The following SLC2A13 variants were observed in gnomAD, a reference collection of about 807,000 sequenced individuals.
SLC2A13 encodes the protein solute carrier family 2 member 13.
A neutral mutation model predicts 64.4 loss-of-function variants in SLC2A13; 32 were observed. That is an observed-to-expected ratio of 0.50 (90% CI 0.37 to 0.67). SLC2A13 has a LOEUF of 0.67. Ranked by LOEUF, SLC2A13 falls within the 30% of genes least tolerant of loss-of-function variation. SLC2A13 has a pLI of 0.00. For missense variants in SLC2A13, 743 were observed against 829.2 expected, an observed-to-expected ratio of 0.90 and a Z score of 1.28; for synonymous variants, 338 against 327.1, an observed-to-expected ratio of 1.03 and a Z score of -0.36.
chr12:40,067,333 A>G (rs1937771520), intron 1 of SLC2A13, among the ~76,000 whole-genome samples: 1 of 151,884 alleles, frequency 6.6e-6, no homozygotes. Context: ...TCCTGAGTAG[A>G]TAGGGCTACA....
intron 1 of SLC2A13, among the ~76,000 whole-genome samples, chr12:40,061,809 CAAA>C (rs200751726): frequency 8.6e-6 from 1 of 116,480 alleles, no homozygotes. Flanking sequence ...TTTGACAATC[CAAA>C]AAAAAAAAAA....
chr12:39,969,837 C>A (rs563367190), intron 3 of SLC2A13, among the ~76,000 whole-genome samples: 1,858 of 152,234 alleles, frequency 0.012, 21 homozygotes, highest in Non-Finnish European at 0.016. Flanking sequence ...GCTTTTGTTG[C>A]CATTGCTTTT....
At chr12:39,973,081 A>G (rs975290577) in intron 3 of SLC2A13, among the ~76,000 whole-genome samples, 2 of 152,048 alleles carry the variant, frequency 1.3e-5, no homozygotes, top group African/African-American at 2.4e-5. Context: ...CAATCAATCA[A>G]TCAATGTCTC....
chr12:39,807,431 A>C (rs1942013972), intron 7 of SLC2A13, among the ~76,000 whole-genome samples: 1 of 152,210 alleles, frequency 6.6e-6, no homozygotes, highest in Non-Finnish European at 1.5e-5. Context: ...GCAAGTTGTT[A>C]TTCAGGGGAA....
At chr12:39,777,090 C>T (rs1026643472) in intron 7 of SLC2A13, among the ~76,000 whole-genome samples, 4 of 152,168 alleles carry the variant, frequency 2.6e-5, no homozygotes, top group East Asian at 1.9e-4. Context: ...GAATCATATT[C>T]GGAATCTGCG....
intron 4 of SLC2A13, among the ~76,000 whole-genome samples, chr12:39,921,408 G>C (rs1465264464): frequency 2.0e-5 from 3 of 152,054 alleles, no homozygotes; most frequent in Non-Finnish European, 4.4e-5. Flanking sequence ...ACCCTGTTCA[G>C]GTACCTTCAG....
intron 4 of SLC2A13, among the ~76,000 whole-genome samples, chr12:39,878,747 G>A (rs181464183): frequency 2.0e-5 from 3 of 152,328 alleles, no homozygotes; most frequent in East Asian, 3.9e-4. Context: ...AAAGAAAAAA[G>A]CTTTTTTGGG....
At chr12:39,811,673 T>G (rs1942165729) in intron 7 of SLC2A13, among the ~76,000 whole-genome samples, 1 of 152,204 alleles carries the variant, frequency 6.6e-6, no homozygotes, top group South Asian at 2.1e-4. Flanking sequence ...AATATACATT[T>G]AAGAATTGTA....
At chr12:39,808,979 G>C (rs1942061441) in intron 7 of SLC2A13, among the ~76,000 whole-genome samples, 1 of 151,830 alleles carries the variant, frequency 6.6e-6, no homozygotes, top group Admixed American at 6.6e-5. Context: ...CTATCTACTT[G>C]CTTACCCTGA....
chr12:39,768,878 G>C (rs4322462), intron 7 of SLC2A13, among the ~76,000 whole-genome samples: 1 of 152,186 alleles, frequency 6.6e-6, no homozygotes, highest in Middle Eastern at 3.4e-3. Context: ...AGAAACCTTC[G>C]GTTTGTAAAA....
chr12:39,948,781 A>G (rs1369362474), intron 4 of SLC2A13, among the ~76,000 whole-genome samples: 1 of 152,190 alleles, frequency 6.6e-6, no homozygotes, highest in Non-Finnish European at 1.5e-5. Flanking sequence ...AAAAAAGAGT[A>G]AAATTTTATA....
intron 7 of SLC2A13, among the ~76,000 whole-genome samples, chr12:39,806,970 A>T (rs1163211630): frequency 1.3e-5 from 2 of 152,200 alleles, no homozygotes; most frequent in African/African-American, 4.8e-5. Context: ...GTCCCCAAAG[A>T]TTACAGTCTG....
At chr12:40,031,629 T>C (rs1445014573) in intron 2 of SLC2A13, among the ~76,000 whole-genome samples, 2 of 152,178 alleles carry the variant, frequency 1.3e-5, no homozygotes, top group Admixed American at 6.6e-5. Flanking sequence ...GGAAAAAATG[T>C]TTCACCTCCC....
At chr12:40,004,994 A>G (rs1281646349) in intron 3 of SLC2A13, among the ~76,000 whole-genome samples, 1 of 152,124 alleles carries the variant, frequency 6.6e-6, no homozygotes, top group Admixed American at 6.6e-5. Flanking sequence ...TTGCTGTGTC[A>G]GAGGTGGCGG....
At chr12:40,004,339 C>T (rs946380583) in intron 3 of SLC2A13, among the ~76,000 whole-genome samples, 19 of 152,052 alleles carry the variant, frequency 1.2e-4, no homozygotes, top group Non-Finnish European at 1.5e-5. Flanking sequence ...AATGTGCCAC[C>T]ATGCCTGGAT....
At chr12:39,909,398 G>A (rs1945370450) in intron 4 of SLC2A13, among the ~76,000 whole-genome samples, 2 of 151,610 alleles carry the variant, frequency 1.3e-5, no homozygotes, top group Admixed American at 1.3e-4. Context: ...TCAATAAGGT[G>A]GAAAAAAAAA....
intron 6 of SLC2A13, among the ~76,000 whole-genome samples, chr12:39,843,064 A>C (rs1566855030): frequency 1.3e-5 from 2 of 152,174 alleles, no homozygotes; most frequent in African/African-American, 2.4e-5. Context: ...TATAAAAAAA[A>C]CTGTTGCTAT....
At chr12:39,784,271 A>T (rs963366839) in intron 7 of SLC2A13, among the ~76,000 whole-genome samples, 3 of 152,322 alleles carry the variant, frequency 2.0e-5, no homozygotes, top group African/African-American at 4.8e-5. Context: ...TGCCAAGTCA[A>T]TCCTAAGCCA....
intron 7 of SLC2A13, among the ~76,000 whole-genome samples, chr12:39,807,549 A>G (rs2135797953): frequency 6.6e-6 from 1 of 152,386 alleles, no homozygotes; most frequent in South Asian, 2.1e-4. Context: ...AAGGGTGGCT[A>G]TAAGACTTGA....
Sources: allele counts gnomAD v4.1 joint callset (sites outside exome capture counted in the v4.1 genomes callset), GRCh38; gene constraint gnomAD v4.1.1; transcripts MANE v1.5; gene names NCBI Gene and HGNC (gene_info 2026-07-23, HGNC 2026-07-21).